NRG3: variants seen among roughly 807,000 people sequenced by gnomAD.
The protein encoded by NRG3 is pro-neuregulin-3, membrane-bound isoform.
Under a neutral mutation model 66.9 loss-of-function variants are expected in NRG3, and 31 were observed. The ratio of observed to expected loss-of-function variants is 0.46; its 90% CI spans 0.35 to 0.63. The LOEUF (loss-of-function observed/expected upper bound fraction) is 0.63, where lower values mean the gene tolerates loss of function less well. NRG3 is among the 20% of genes least tolerant of loss of function. The pLI, the probability that NRG3 is intolerant of heterozygous loss-of-function variation, is 0.00. For synonymous variants in NRG3, 393 were observed against 359.4 expected (o/e 1.09, Z -1.06); for missense variants, 910 against 878.9 (o/e 1.04, Z -0.45).
At chr10:82,651,536 G>A (rs1316720856) in intron 2 of NRG3, among the ~76,000 whole-genome samples, 2 of 152,236 alleles carry the variant, frequency 1.3e-5, no homozygotes, top group African/African-American at 4.8e-5. Context: ...CTGTGGAGAA[G>A]CCTACATGAC....
chr10:82,638,492 G>C (rs1189787911), intron 2 of NRG3, among the ~76,000 whole-genome samples: 1 of 152,052 alleles, frequency 6.6e-6, no homozygotes, highest in Non-Finnish European at 1.5e-5. Flanking sequence ...TGCCCGGTTT[G>C]ACCTGGAGGC....
intron 1 of NRG3, among the ~76,000 whole-genome samples, chr10:82,005,730 T>C (rs909789821): frequency 1.3e-5 from 2 of 152,200 alleles, no homozygotes; most frequent in African/African-American, 4.8e-5. Context: ...GAATAAATGC[T>C]CTGAGTGACA....
At chr10:82,009,893 T>A (rs1276935387) in intron 1 of NRG3, among the ~76,000 whole-genome samples, 1 of 152,194 alleles carries the variant, frequency 6.6e-6, no homozygotes, top group Non-Finnish European at 1.5e-5. Flanking sequence ...GAAGCACATG[T>A]ATTATGACCT....
intron 2 of NRG3, among the ~76,000 whole-genome samples, chr10:82,512,374 C>T (rs915154040): frequency 6.6e-6 from 1 of 151,946 alleles, no homozygotes; most frequent in Admixed American, 6.6e-5. Context: ...CAACCTCTGC[C>T]TCCTGGGTTC....
intron 1 of NRG3, among the ~76,000 whole-genome samples, chr10:82,178,619 CA>C (rs2133198816): frequency 1.3e-5 from 2 of 152,138 alleles, no homozygotes; most frequent in South Asian, 4.1e-4. Flanking sequence ...GTTTACCTAT[CA>C]AAGGTCATTT....
At chr10:82,204,313 A>C (rs970930608) in intron 1 of NRG3, among the ~76,000 whole-genome samples, 7 of 152,192 alleles carry the variant, frequency 4.6e-5, no homozygotes, top group Non-Finnish European at 8.8e-5. Flanking sequence ...CAGTCTAATG[A>C]GGGTTTGTTA....
chr10:82,574,645 T>C (rs1301393985), intron 2 of NRG3, among the ~76,000 whole-genome samples: 1 of 151,744 alleles, frequency 6.6e-6, no homozygotes, highest in Non-Finnish European at 1.5e-5. Context: ...CACAAGTACC[T>C]CATAAATGTT....
rs759325306 is a variant in NRG3, at chr10:82,815,064, G to A, written c.1028-50347G>A. Among the ~76,000 whole-genome samples the A allele has an allele frequency of 1.4e-4, 21 of 152,264 alleles. 1 individual carries two copies. Among genetic ancestry groups the A allele is most frequent in the African/African-American group, 2.9e-4 (12 of 41,550 alleles). On this transcript the variant is annotated intron_variant, in intron 3 of 8. Coordinates refer to ENST00000372141, the MANE Select transcript of NRG3 (RefSeq NM_001010848.4). ...TTGTTGCTCTGAGAGTGTGCATTGC[G>A]GTCATCGCCGTCCTCCTGGTTTAAA...
intron 1 of NRG3, among the ~76,000 whole-genome samples, chr10:82,317,114 G>C (rs550519577): frequency 6.6e-6 from 1 of 152,064 alleles, no homozygotes; most frequent in Non-Finnish European, 1.5e-5. Context: ...AGAATGTGCA[G>C]TGTCTTCACA....
At chr10:82,307,891 GT>G (rs992787330) in intron 1 of NRG3, among the ~76,000 whole-genome samples, 3 of 150,910 alleles carry the variant, frequency 2.0e-5, no homozygotes, top group African/African-American at 4.9e-5. Flanking sequence ...TGCTGTGTAG[GT>G]TTTTTTCTTT....
intron 1 of NRG3, among the ~76,000 whole-genome samples, chr10:82,132,793 C>G (rs1372887318): frequency 1.3e-5 from 2 of 151,210 alleles, no homozygotes; most frequent in Non-Finnish European, 3.0e-5. Flanking sequence ...CTTCATGTTT[C>G]AATCTTGGTA....
intron 1 of NRG3, among the ~76,000 whole-genome samples, chr10:82,109,915 C>T (rs926598772): frequency 6.6e-6 from 1 of 152,102 alleles, no homozygotes; most frequent in Non-Finnish European, 1.5e-5. Flanking sequence ...CTGTCTGATA[C>T]TAGAATAAGT....
chr10:82,247,596 A>G (rs2077300822), intron 1 of NRG3, among the ~76,000 whole-genome samples: 2 of 152,150 alleles, frequency 1.3e-5, no homozygotes, highest in Admixed American at 1.3e-4. Flanking sequence ...CATGATCCAC[A>G]AACTACCAAA....
intron 1 of NRG3, among the ~76,000 whole-genome samples, chr10:82,253,984 A>T (rs921088612): frequency 2.0e-5 from 3 of 152,186 alleles, no homozygotes; most frequent in African/African-American, 7.2e-5. Flanking sequence ...TTCATTACCC[A>T]GCTTTCACTA....
chr10:82,724,764 T>G (rs887495992), intron 2 of NRG3, among the ~76,000 whole-genome samples: 2 of 152,230 alleles, frequency 1.3e-5, no homozygotes, highest in African/African-American at 4.8e-5. Context: ...CACTTCTTTT[T>G]GAAGCATGCT....
chr10:82,050,156 A>T (rs1324879692), intron 1 of NRG3, among the ~76,000 whole-genome samples: 2 of 141,004 alleles, frequency 1.4e-5, no homozygotes, highest in African/African-American at 5.3e-5. Flanking sequence ...GGAGTGGAAT[A>T]TTCAGACATG....
At chr10:82,034,155 C>T (rs1330725183) in intron 1 of NRG3, among the ~76,000 whole-genome samples, 1 of 152,028 alleles carries the variant, frequency 6.6e-6, no homozygotes, top group Admixed American at 6.6e-5. Context: ...GGAAATAAAC[C>T]TTTATTAGTT....
At chr10:82,665,346 A>G (rs556754096) in intron 2 of NRG3, among the ~76,000 whole-genome samples, 1 of 152,336 alleles carries the variant, frequency 6.6e-6, no homozygotes, top group Admixed American at 6.5e-5. Flanking sequence ...TATTATCATC[A>G]ACAATTTTTT....
rs553342488 is a variant in NRG3, at chr10:82,777,582, G to A, written c.1027+38932G>A. Among the ~76,000 whole-genome samples, 4 of 152,290 alleles carry A rather than the reference G, an allele frequency of 2.6e-5. No homozygotes were observed. In the South Asian group the frequency reaches 8.3e-4, roughly 32 times the overall value. On this transcript the variant is annotated intron_variant, in intron 3 of 8. Coordinates refer to ENST00000372141, the MANE Select transcript of NRG3 (RefSeq NM_001010848.4). ...TCAGTAGCTTGAAACCAAGAGAACA[G>A]GGAGGTAGTTGTGACTCTGGTCCTG...
Sources: gnomAD v4.1 joint callset for allele counts (sites outside exome capture counted in the v4.1 genomes callset) on GRCh38, gnomAD v4.1.1 for gene constraint, MANE v1.5 for transcripts, NCBI Gene and HGNC (gene_info 2026-07-23, HGNC 2026-07-21) for gene names.